Variants in FGF13 observed in about 807,000 individuals in gnomAD.
FGF13 encodes the protein fibroblast growth factor 13, also known as fibroblast growth factor homologous factor 2.
A neutral mutation model predicts 19.5 loss-of-function variants in FGF13; 2 were observed. The ratio of observed to expected loss-of-function variants is 0.10; its 90% CI spans 0.04 to 0.32. The LOEUF is 0.32. Ranked by LOEUF, FGF13 falls within the 10% of genes least tolerant of loss-of-function variation. FGF13 has a pLI of 1.00. For missense variants in FGF13, 113 were observed against 192.7 expected (o/e 0.59, Z 2.45); for synonymous variants, 72 against 76.9 (o/e 0.94, Z 0.33).
At chrX:138,809,993 A>T (rs910011756) in intron 3 of FGF13, among the ~76,000 whole-genome samples, 1 of 111,945 alleles carries the variant, frequency 8.9e-6, no homozygotes, top group African/African-American at 3.2e-5. Context: ...AGGAAGAATC[A>T]ATATTGTGAA....
chrX:139,023,091 A>G (rs747956982), intron 1 of FGF13, among the ~76,000 whole-genome samples: 1 of 111,077 alleles, frequency 9.0e-6, no homozygotes, highest in East Asian at 2.9e-4. Flanking sequence ...ATCTATAATA[A>G]CTTTGTAAAC....
intron 1 of FGF13, among the ~76,000 whole-genome samples, chrX:139,097,547 G>T (rs778866210): frequency 9.7e-6 from 1 of 102,857 alleles, no homozygotes; most frequent in African/African-American, 3.7e-5. Context: ...TAAAGGAAAA[G>T]GTGGCAAAAA....
intron 1 of FGF13, among the ~76,000 whole-genome samples, chrX:138,980,119 G>A (rs1047032625): frequency 2.7e-5 from 3 of 112,028 alleles, no homozygotes; most frequent in African/African-American, 9.7e-5. Flanking sequence ...AAAGATGTAT[G>A]AACAGTTATG....
rs72616264 is a variant in FGF13, at chrX:139,110,813, A to G, written c.-113+92603T>C. On this transcript the variant is annotated intron_variant, in intron 1 of 2. Transcript: ENST00000421460. ...TGACTTATTTTTGAGGTGTTGAGAG[A>G]CAATTGCAGTAGCAGTGGTGGTGGC... is the stretch of plus-strand genomic sequence containing the variant. 3.6e-5 allele frequency among the ~76,000 whole-genome samples: 4 copies of G among 111,787 alleles called. No individual in the cohort carries two copies. In the East Asian group the frequency reaches 1.1e-3, roughly 32 times the overall value.
At chrX:139,106,846 G>A (rs1024292314) in intron 1 of FGF13, among the ~76,000 whole-genome samples, 2 of 112,042 alleles carry the variant, frequency 1.8e-5, no homozygotes, top group African/African-American at 6.5e-5. Flanking sequence ...CCAGAGAGGA[G>A]ACCAAGAAGA....
rs185285028 is a variant in FGF13, at chrX:138,877,369, G to C, written c.-112-12719C>G. Among the ~76,000 whole-genome samples the C allele has an allele frequency of 5.5e-3, 612 of 111,485 alleles. 5 individuals carry two copies. Among genetic ancestry groups the C allele is most frequent in the African/African-American group, 0.019 (585 of 30,707 alleles). On this transcript the variant is annotated intron_variant, in intron 1 of 2. Coordinates refer to the FGF13 transcript ENST00000421460. ...GAGAAAAAGACGTGAAAACACTTTT[G>C]CTTCATTTTAAATAATGAAACCACT...
chrX:138,957,836 G>A (rs1393742986), intron 1 of FGF13, among the ~76,000 whole-genome samples: 1 of 110,934 alleles, frequency 9.0e-6, no homozygotes, highest in Non-Finnish European at 1.9e-5. Context: ...GAATGCTTGT[G>A]TGTGTATAAG....
chrX:138,917,427 A>G (rs7892581), intron 1 of FGF13, among the ~76,000 whole-genome samples: 3,784 of 111,771 alleles, frequency 0.034, 162 homozygotes, highest in African/African-American at 0.12. Context: ...CCAGAACTCA[A>G]CAATTCTGGC....
At chrX:139,176,237 C>A (rs778055939) in intron 1 of FGF13, among the ~76,000 whole-genome samples, 2 of 111,476 alleles carry the variant, frequency 1.8e-5, no homozygotes, top group Non-Finnish European at 3.8e-5. Flanking sequence ...TCTGTGGGAT[C>A]AGTGGTGATA....
intron 1 of FGF13, among the ~76,000 whole-genome samples, chrX:139,159,122 C>T (rs2084005912): frequency 8.9e-6 from 1 of 112,255 alleles, no homozygotes; most frequent in Non-Finnish European, 1.9e-5. Context: ...AGGCTAACAG[C>T]AGATCTCTCT....
chrX:138,717,761 G>A (rs975238333), intron 1 of FGF13, among the ~76,000 whole-genome samples: 2 of 111,320 alleles, frequency 1.8e-5, no homozygotes, highest in Non-Finnish European at 3.8e-5. Flanking sequence ...CTACGGGCAC[G>A]TGCCACCACA....
rs182211438 is a variant in FGF13 at position 138,993,581 on chromosome X, T to C, written c.-112-128931A>G. ...CTAAACTCTAGCTATTGGTTAACTATCATAGCTGAATACCATCCCTTCTAA... is the reference window on the plus strand; with the variant it reads ...CTAAACTCTAGCTATTGGTTAACTACCATAGCTGAATACCATCCCTTCTAA... On this transcript the variant is annotated intron_variant, in intron 1 of 2. Transcript: ENST00000421460. 4.5e-5 allele frequency among the ~76,000 whole-genome samples: 5 copies of C among 111,597 alleles called. No individual in the cohort carries two copies. In the East Asian group the frequency reaches 1.4e-3, roughly 31 times the overall value.
rs1351696895 is a variant in FGF13 at position 138,629,725 on chromosome X, T to C, written c.*3125A>G. ...GAGAATGAACTAATACCAGTGGTTC[T>C]CAAAGTCCCGAGGATCAACAGCCTC... On this transcript the variant is annotated 3_prime_UTR_variant, in exon 5 of 5. Coordinates refer to ENST00000315930, the MANE Select transcript of FGF13 (RefSeq NM_004114.5). 2 of 111,267 alleles carry C rather than the reference T, an allele frequency of 1.8e-5. No homozygotes were observed. The highest frequency in any genetic ancestry group is 6.6e-5 in the African/African-American group (2 of 30,514). The allele number at this position is 111,267 out of a possible 1,213,427, so 9.2% of individuals were successfully genotyped here.
At position 138,616,712 on chromosome X, in the gene FGF13, C is replaced by T. The variant is rs1024945192; in HGVS notation, c.*16138G>A. Reference sequence around the variant, plus strand: ...GAGGTTCTCCCTGAGAGCTCTACCCCTGCAGCAGACTTCTGTCTGGACATC... The same window carrying T: ...GAGGTTCTCCCTGAGAGCTCTACCCTTGCAGCAGACTTCTGTCTGGACATC... On this transcript the variant is annotated 3_prime_UTR_variant, in exon 5 of 5. Coordinates refer to ENST00000315930, the MANE Select transcript of FGF13 (RefSeq NM_004114.5). 2.9e-4 allele frequency: 33 copies of T among 112,573 alleles called. No individual in the cohort carries two copies. The Admixed American group carries it at 3.1e-3, about 11-fold the overall frequency. 9.3% of individuals were successfully genotyped at this position (112,573 alleles called of 1,213,427 possible).
intron 3 of FGF13, among the ~76,000 whole-genome samples, chrX:138,671,833 T>C (rs958098966): frequency 4.5e-5 from 5 of 110,660 alleles, no homozygotes; most frequent in African/African-American, 9.9e-5. Context: ...ATAAAATGGA[T>C]ATATAAATAA....
chrX:139,157,113 C>CATT (rs1316485601), intron 1 of FGF13, among the ~76,000 whole-genome samples: 3 of 111,175 alleles, frequency 2.7e-5, no homozygotes, highest in Non-Finnish European at 3.8e-5. Context: ...TGATTATTAT[C>CATT]ATTATTATTA....
intron 3 of FGF13, among the ~76,000 whole-genome samples, chrX:138,775,623 G>A (rs971180414): frequency 9.0e-6 from 1 of 111,532 alleles, no homozygotes. Flanking sequence ...ACCAGGACTC[G>A]GGAGATACTA....
chrX:138,794,387 TGAAGGCATGCACTTGA>T (rs2090762975), intron 3 of FGF13, among the ~76,000 whole-genome samples: 1 of 111,897 alleles, frequency 8.9e-6, no homozygotes, highest in South Asian at 3.8e-4. Context: ...TGATGTTCAG[TGAAGGCATGCACTTGA>T]GTAGCTATGA....
chrX:138,835,783 C>T (rs1021837238), intron 3 of FGF13, among the ~76,000 whole-genome samples: 2 of 111,591 alleles, frequency 1.8e-5, no homozygotes, highest in East Asian at 5.7e-4. Flanking sequence ...TTTGTAGTGG[C>T]TGGTAACAGT....
Sources: allele counts gnomAD v4.1 joint callset (sites outside exome capture counted in the v4.1 genomes callset), GRCh38; gene constraint gnomAD v4.1.1; transcripts MANE v1.5; gene names NCBI Gene and HGNC (gene_info 2026-07-23, HGNC 2026-07-21).